Variants in WIPF1 observed in about 807,000 individuals in gnomAD.
The protein encoded by WIPF1 is WAS/WASL-interacting protein family member 1.
WIPF1 carries 13 observed loss-of-function variants against 35.4 expected under a neutral mutation model. The observed-to-expected ratio is 0.37, with a 90% CI of 0.24 to 0.58. The LOEUF is 0.58. WIPF1 is among the 20% of genes least tolerant of loss of function. The pLI, the probability that WIPF1 is intolerant of heterozygous loss-of-function variation, is 0.74. For synonymous variants in WIPF1, 267 were observed against 266.3 expected, an observed-to-expected ratio of 1.00 and a Z score of -0.02; for missense variants, 591 against 667.0, an observed-to-expected ratio of 0.89 and a Z score of 1.25.
chr2:174,642,568 C>T (rs892667356), intron 1 of WIPF1, among the ~76,000 whole-genome samples: 11 of 151,822 alleles, frequency 7.2e-5, no homozygotes, highest in Admixed American at 3.9e-4. Flanking sequence ...AGGATAGTCT[C>T]CATCTCTTGA....
chr2:174,593,933 C>G (rs903488727), intron 1 of WIPF1, among the ~76,000 whole-genome samples: 1 of 152,238 alleles, frequency 6.6e-6, no homozygotes, highest in African/African-American at 2.4e-5. Flanking sequence ...GAAAAGGCAG[C>G]TGGACTCCAG....
chr2:174,672,469 A>G (rs1050686323), intron 1 of WIPF1, among the ~76,000 whole-genome samples: 5 of 152,266 alleles, frequency 3.3e-5, no homozygotes, highest in African/African-American at 1.2e-4. Flanking sequence ...GTATAAACGA[A>G]GAACTCCATG....
chr2:174,654,317 T>C (rs1418059923), intron 1 of WIPF1, among the ~76,000 whole-genome samples: 2 of 152,236 alleles, frequency 1.3e-5, no homozygotes, highest in African/African-American at 4.8e-5. Context: ...TCATTCACTT[T>C]AACTGTTTGT....
intron 1 of WIPF1, among the ~76,000 whole-genome samples, chr2:174,681,970 T>C (rs1214392921): frequency 6.6e-6 from 1 of 152,206 alleles, no homozygotes; most frequent in Non-Finnish European, 1.5e-5. Context: ...TCTTTGCGAT[T>C]AACAAAGGCT....
chr2:174,607,670 A>T (rs985513597), intron 1 of WIPF1, among the ~76,000 whole-genome samples: 2 of 150,678 alleles, frequency 1.3e-5, no homozygotes, highest in Non-Finnish European at 3.0e-5. Flanking sequence ...TGCCTTAGGG[A>T]TTTTGTGCTT....
chr2:174,619,876 A>G (rs1226648202), intron 1 of WIPF1, among the ~76,000 whole-genome samples: 1 of 151,954 alleles, frequency 6.6e-6, no homozygotes, highest in Non-Finnish European at 1.5e-5. Context: ...CAGGACGTCG[A>G]CGTTGCAAGA....
At chr2:174,655,954 A>G (rs1687631730) in intron 1 of WIPF1, 1 of 152,248 alleles carries the variant, frequency 6.6e-6, no homozygotes, top group African/African-American at 2.4e-5. Flanking sequence ...TGGTATTTAC[A>G]TCTTGTGTGG....
intron 1 of WIPF1, among the ~76,000 whole-genome samples, chr2:174,586,899 G>A (rs1456344231): frequency 6.6e-6 from 1 of 152,224 alleles, no homozygotes; most frequent in Non-Finnish European, 1.5e-5. Flanking sequence ...TAGAGATCGA[G>A]CCTTAAGCCA....
chr2:174,629,961 G>A (rs902905663), intron 1 of WIPF1: 7 of 152,164 alleles, frequency 4.6e-5, no homozygotes, highest in Non-Finnish European at 8.8e-5. Context: ...CCCCCCAAAT[G>A]AATCTCTATG....
rs529604919 is a variant in WIPF1, at chr2:174,576,243, A to C, written c.182-863T>G. Among the ~76,000 whole-genome samples, 26 of 150,468 alleles carry C rather than the reference A, an allele frequency of 1.7e-4. No homozygotes were observed. In the South Asian group the frequency reaches 4.1e-3, roughly 24 times the overall value. On this transcript the variant is annotated intron_variant, in intron 3 of 7. Coordinates refer to ENST00000679041, the MANE Select transcript of WIPF1 (RefSeq NM_001375834.1). ...ACTGCACTCCAGCAAAAAAAAAAAA[A>C]AAAAAACACTAAGCAAATATCCACA...
At chr2:174,634,753 AG>A (rs1189450757) in intron 1 of WIPF1, 1 of 152,268 alleles carries the variant, frequency 6.6e-6, no homozygotes, top group Non-Finnish European at 1.5e-5. Flanking sequence ...AGGTGTTCCC[AG>A]GACACAGGTA....
chr2:174,664,872 A>T (rs182504253), intron 1 of WIPF1, among the ~76,000 whole-genome samples: 1 of 152,206 alleles, frequency 6.6e-6, no homozygotes, highest in Non-Finnish European at 1.5e-5. Flanking sequence ...GGCTCAAGTG[A>T]TCCTTTCGCC....
At chr2:174,632,622 T>C (rs1480649065) in intron 1 of WIPF1, among the ~76,000 whole-genome samples, 1 of 146,592 alleles carries the variant, frequency 6.8e-6, no homozygotes, top group South Asian at 2.1e-4. Flanking sequence ...GGCAGGAGAA[T>C]TGCTTGAACT....
Position 174,567,097 on chromosome 2 carries a change from T to C in WIPF1, c.1429A>G (p.Ser477Gly). Reference sequence around the variant, plus strand: ...CGGCTTTCGTTTCTTGCCAGTTTGCTGGGATAACTTTTGGTCGTTTGTACA... The same window carrying C: ...CGGCTTTCGTTTCTTGCCAGTTTGCCGGGATAACTTTTGGTCGTTTGTACA... The part of the protein sequence containing the change: ...PYVQTTKSYP[S>G]KLARNESRSG... The change falls in exon 7 of 8, where the codon AGC becomes GGC. Residue 477 changes from serine to glycine, a missense_variant. Ser to Gly is a moderately conservative substitution (Grantham distance 56). Transcript: ENST00000679041. The C allele has an allele frequency of 1.2e-6, 2 of 1,614,242 alleles. No individual in the cohort carries two copies. Among genetic ancestry groups the C allele is most frequent in the Non-Finnish European group, 8.5e-7 (1 of 1,180,044 alleles).
intron 1 of WIPF1, among the ~76,000 whole-genome samples, chr2:174,663,825 C>T (rs558982639): frequency 3.9e-5 from 6 of 152,300 alleles, no homozygotes; most frequent in South Asian, 2.1e-4. Flanking sequence ...AAAGAATGTG[C>T]GCACTGGCTG....
chr2:174,617,191 G>T (rs528604166), intron 1 of WIPF1, among the ~76,000 whole-genome samples: 44 of 152,052 alleles, frequency 2.9e-4, no homozygotes, highest in Non-Finnish European at 5.0e-4. Flanking sequence ...AGAGATTTTT[G>T]TCTGAGCTCA....
chr2:174,611,380 C>A (rs1686340364), intron 1 of WIPF1, among the ~76,000 whole-genome samples: 1 of 152,066 alleles, frequency 6.6e-6, no homozygotes, highest in African/African-American at 2.4e-5. Flanking sequence ...AAAACAAAAA[C>A]AAACAAACAA....
chr2:174,618,296 G>A (rs1159358331), intron 1 of WIPF1, among the ~76,000 whole-genome samples: 1 of 152,230 alleles, frequency 6.6e-6, no homozygotes, highest in East Asian at 1.9e-4. Flanking sequence ...CAAGGAAAAG[G>A]TAATGCACGA....
intron 1 of WIPF1, among the ~76,000 whole-genome samples, chr2:174,593,544 G>A (rs1685695733): frequency 6.6e-6 from 1 of 152,162 alleles, no homozygotes; most frequent in East Asian, 1.9e-4. Context: ...CTATTCTTTA[G>A]ATACTCCTCC....
Sources: gnomAD v4.1 joint callset for allele counts (sites outside exome capture counted in the v4.1 genomes callset) on GRCh38, gnomAD v4.1.1 for gene constraint, MANE v1.5 for transcripts, NCBI Gene and HGNC (gene_info 2026-07-23, HGNC 2026-07-21) for gene names.